Variants in AGBL4 observed in about 807,000 individuals in gnomAD.
AGBL4 encodes the protein cytosolic carboxypeptidase 6.
A neutral mutation model predicts 66.4 loss-of-function variants in AGBL4; 58 were observed. The ratio of observed to expected loss-of-function variants is 0.87; its 90% CI spans 0.71 to 1.09. AGBL4 has a LOEUF of 1.09. Ranked by LOEUF, AGBL4 falls within the 50% of genes least tolerant of loss-of-function variation. The pLI is 0.00. For synonymous variants in AGBL4, 234 were observed against 222.9 expected, an observed-to-expected ratio of 1.05 and a Z score of -0.44; for missense variants, 579 against 631.0, an observed-to-expected ratio of 0.92 and a Z score of 0.88.
At chr1:48,913,791 A>C (rs1653355012) in intron 5 of AGBL4, among the ~76,000 whole-genome samples, 1 of 152,176 alleles carries the variant, frequency 6.6e-6, no homozygotes, top group African/African-American at 2.4e-5. Flanking sequence ...CCTCGCCCTG[A>C]CCTAGTCTGT....
chr1:49,896,651 ACAC>A (rs1378203361), intron 1 of AGBL4, among the ~76,000 whole-genome samples: 3 of 144,556 alleles, frequency 2.1e-5, no homozygotes, highest in African/African-American at 2.6e-5. Flanking sequence ...ACACACACAC[ACAC>A]AACTAAATGC....
chr1:48,563,352 T>C (rs1320209155), intron 11 of AGBL4, among the ~76,000 whole-genome samples: 1 of 152,200 alleles, frequency 6.6e-6, no homozygotes, highest in Non-Finnish European at 1.5e-5. Context: ...ACTTAGGCAA[T>C]TCTATAGCAG....
At chr1:49,366,924 T>C (rs948662972) in intron 3 of AGBL4, among the ~76,000 whole-genome samples, 6 of 152,158 alleles carry the variant, frequency 3.9e-5, no homozygotes, top group South Asian at 2.1e-4. Context: ...CAGGAGGCTC[T>C]GAGAGAAAAC....
In AGBL4 at chr1:48,831,940, T is replaced by G. The variant is rs903275403; in HGVS notation, c.634+35251A>C. 7.9e-5 allele frequency among the ~76,000 whole-genome samples: 12 copies of G among 152,270 alleles called. No individual in the cohort carries two copies. The East Asian group carries it at 2.3e-3, about 29-fold the overall frequency. On this transcript the variant is annotated intron_variant, in intron 6 of 13. Coordinates refer to ENST00000371839, the MANE Select transcript of AGBL4 (RefSeq NM_032785.4). ...GGAGGGATGTGAGAAAGATTCACCT[T>G]CATTACAGATCTACTTTAGCAGGCA... is the stretch of plus-strand genomic sequence containing the variant.
At chr1:48,777,849 AGAG>A in intron 6 of AGBL4, among the ~76,000 whole-genome samples, 1 of 152,260 alleles carries the variant, frequency 6.6e-6, no homozygotes, top group African/African-American at 2.4e-5. Context: ...AGCACTTTGA[AGAG>A]TACAGGAATA....
At chr1:48,947,694 A>T (rs1656629995) in intron 5 of AGBL4, among the ~76,000 whole-genome samples, 1 of 152,162 alleles carries the variant, frequency 6.6e-6, no homozygotes, top group South Asian at 2.1e-4. Flanking sequence ...AAAACGTAAC[A>T]TACTCCTGCT....
chr1:48,543,512 G>C (rs1191390471), intron 11 of AGBL4, among the ~76,000 whole-genome samples: 1 of 152,098 alleles, frequency 6.6e-6, no homozygotes, highest in Non-Finnish European at 1.5e-5. Flanking sequence ...TGGTGGGAGG[G>C]GTCTTGGTAG....
At chr1:49,006,791 T>C (rs1661872383) in intron 5 of AGBL4, among the ~76,000 whole-genome samples, 1 of 151,176 alleles carries the variant, frequency 6.6e-6, no homozygotes, top group African/African-American at 2.4e-5. Context: ...CGGCAGAGTA[T>C]TCCAACAGAC....
chr1:49,774,239 T>C (rs193231282), intron 2 of AGBL4, among the ~76,000 whole-genome samples: 6 of 152,286 alleles, frequency 3.9e-5, no homozygotes, highest in Non-Finnish European at 1.5e-5. Context: ...GCAACAGTGA[T>C]AGGGACCACT....
At chr1:49,639,490 A>G (rs2124398093) in intron 3 of AGBL4, among the ~76,000 whole-genome samples, 1 of 152,326 alleles carries the variant, frequency 6.6e-6, no homozygotes. Context: ...TTTACAAATA[A>G]GGAACACAGA....
chr1:48,742,854 A>T, intron 6 of AGBL4: 1 of 1,345,714 alleles, frequency 7.4e-7, no homozygotes, highest in Non-Finnish European at 9.8e-7. Flanking sequence ...CTATCAGCAC[A>T]CCATGGCACA....
intron 5 of AGBL4, among the ~76,000 whole-genome samples, chr1:48,959,434 G>C (rs753307255): frequency 1.3e-5 from 2 of 152,166 alleles, no homozygotes; most frequent in African/African-American, 2.4e-5. Flanking sequence ...TGGGGCACTA[G>C]AAATATAGTA....
chr1:49,880,193 G>A (rs1224807545), intron 1 of AGBL4, among the ~76,000 whole-genome samples: 6 of 151,910 alleles, frequency 3.9e-5, no homozygotes, highest in East Asian at 3.9e-4. Context: ...GCTTTGTTCC[G>A]TTGCTGGTGA....
chr1:49,680,017 ATGT>A (rs1405255974), intron 3 of AGBL4, among the ~76,000 whole-genome samples: 1 of 140,730 alleles, frequency 7.1e-6, no homozygotes, highest in African/African-American at 2.6e-5. Flanking sequence ...TTCATTCATG[ATGT>A]TCCAAGATTT....
intron 5 of AGBL4, among the ~76,000 whole-genome samples, chr1:48,968,341 C>T (rs1028211808): frequency 3.3e-5 from 5 of 152,064 alleles, no homozygotes; most frequent in Non-Finnish European, 7.4e-5. Flanking sequence ...TGCTAAGCCA[C>T]TGAAGGATTA....
intron 3 of AGBL4, among the ~76,000 whole-genome samples, chr1:49,457,097 G>T: frequency 6.6e-6 from 1 of 151,644 alleles, no homozygotes. Context: ...CCTAGTAGTG[G>T]GATTGCTGGA....
At chr1:49,125,386 G>A (rs1467761085) in intron 4 of AGBL4, among the ~76,000 whole-genome samples, 1 of 152,032 alleles carries the variant, frequency 6.6e-6, no homozygotes, top group Non-Finnish European at 1.5e-5. Flanking sequence ...TCCCCTAGTT[G>A]TATGGCCAGC....
intron 3 of AGBL4, among the ~76,000 whole-genome samples, chr1:49,474,412 T>C (rs1646807977): frequency 6.6e-6 from 1 of 152,020 alleles, no homozygotes; most frequent in Admixed American, 6.6e-5. Context: ...TTCTCCTTTT[T>C]ACACATTTTT....
intron 4 of AGBL4, among the ~76,000 whole-genome samples, chr1:49,166,989 T>C (rs1451500406): frequency 1.3e-5 from 2 of 152,158 alleles, no homozygotes; most frequent in East Asian, 3.9e-4. Context: ...TCCACAACAG[T>C]CTAGATGACC....
Sources: gnomAD v4.1 joint callset for allele counts (sites outside exome capture counted in the v4.1 genomes callset) on GRCh38, gnomAD v4.1.1 for gene constraint, MANE v1.5 for transcripts, NCBI Gene and HGNC (gene_info 2026-07-23, HGNC 2026-07-21) for gene names.